CLYBL: variants seen among roughly 807,000 people sequenced by gnomAD.
CLYBL encodes the protein citramalyl-CoA lyase, mitochondrial.
CLYBL carries 31 observed loss-of-function variants against 38.9 expected under a neutral mutation model. The ratio of observed to expected loss-of-function variants is 0.80; its 90% CI spans 0.60 to 1.08. The LOEUF is 1.08. Among genes scored for constraint, CLYBL ranks in the 50% least tolerant of loss-of-function variants. The pLI is 0.00. For synonymous variants in CLYBL, 171 were observed against 158.6 expected (o/e 1.08, Z -0.59); for missense variants, 434 against 411.6 (o/e 1.05, Z -0.47).
At chr13:99,737,672 T>C (rs977562749) in intron 1 of CLYBL, among the ~76,000 whole-genome samples, 3 of 152,124 alleles carry the variant, frequency 2.0e-5, no homozygotes, top group African/African-American at 7.2e-5. Flanking sequence ...TGCTTTCCCC[T>C]CCTGAGCTCA....
chr13:99,885,037 C>T (rs776763842), intron 7 of CLYBL: 5 of 523,760 alleles, frequency 9.5e-6, no homozygotes, highest in East Asian at 5.5e-5. Context: ...ACCAGGTCAG[C>T]GGTCACAGAG....
intron 1 of CLYBL, among the ~76,000 whole-genome samples, chr13:99,617,305 TAAG>T (rs2046726484): frequency 6.6e-6 from 1 of 152,122 alleles, no homozygotes; most frequent in Non-Finnish European, 1.5e-5. Flanking sequence ...TTTTTCCTAA[TAAG>T]GGCCTCTCTA....
At chr13:99,836,508 G>A (rs1294345688) in intron 2 of CLYBL, among the ~76,000 whole-genome samples, 1 of 152,190 alleles carries the variant, frequency 6.6e-6, no homozygotes, top group Non-Finnish European at 1.5e-5. Flanking sequence ...TATGAAGAAT[G>A]GACTTAACCA....
chr13:99,699,261 T>A (rs1054970483), intron 1 of CLYBL, among the ~76,000 whole-genome samples: 2 of 152,082 alleles, frequency 1.3e-5, no homozygotes, highest in Non-Finnish European at 2.9e-5. Flanking sequence ...GGTGGGCACC[T>A]GTAATCCCAG....
intron 1 of CLYBL, among the ~76,000 whole-genome samples, chr13:99,741,150 C>G (rs1038626521): frequency 6.6e-6 from 1 of 152,144 alleles, no homozygotes; most frequent in Non-Finnish European, 1.5e-5. Flanking sequence ...AAAAGAAGTA[C>G]TTACAGATAG....
intron 1 of CLYBL, among the ~76,000 whole-genome samples, chr13:99,660,886 G>T (rs2047399247): frequency 6.6e-6 from 1 of 152,086 alleles, no homozygotes; most frequent in Admixed American, 6.5e-5. Flanking sequence ...GTCACATCTA[G>T]AATGCTTCCG....
chr13:99,732,640 G>A (rs2048610210), intron 1 of CLYBL, among the ~76,000 whole-genome samples: 1 of 152,200 alleles, frequency 6.6e-6, no homozygotes, highest in Middle Eastern at 3.4e-3. Flanking sequence ...TGATCTCAGG[G>A]AACATACCTA....
chr13:99,835,892 A>C (rs1206843273), intron 2 of CLYBL, among the ~76,000 whole-genome samples: 1 of 152,204 alleles, frequency 6.6e-6, no homozygotes, highest in African/African-American at 2.4e-5. Flanking sequence ...GGTAGGTGGT[A>C]GATTGGCAAG....
intron 2 of CLYBL, among the ~76,000 whole-genome samples, chr13:99,777,867 G>A (rs9585218): frequency 7.9e-5 from 12 of 152,094 alleles, no homozygotes; most frequent in African/African-American, 1.9e-4. Context: ...AATCCTTATA[G>A]CAATGTTTTG....
At chr13:99,713,861 T>C (rs1021106709) in intron 1 of CLYBL, among the ~76,000 whole-genome samples, 1 of 151,978 alleles carries the variant, frequency 6.6e-6, no homozygotes, top group Non-Finnish European at 1.5e-5. Context: ...TTTTTAAATA[T>C]ATTTTTTTGT....
At chr13:99,762,452 T>C (rs1306881012) in intron 1 of CLYBL, among the ~76,000 whole-genome samples, 2 of 152,358 alleles carry the variant, frequency 1.3e-5, no homozygotes, top group East Asian at 3.9e-4. Context: ...GTGGAGACTT[T>C]GTCAAAGATG....
At chr13:99,821,294 G>A (rs984529369) in intron 2 of CLYBL, among the ~76,000 whole-genome samples, 2 of 152,148 alleles carry the variant, frequency 1.3e-5, no homozygotes, top group Non-Finnish European at 2.9e-5. Flanking sequence ...TTGGCTTTGA[G>A]CATCATAAGA....
At chr13:99,740,296 T>C (rs932121771) in intron 1 of CLYBL, among the ~76,000 whole-genome samples, 1 of 152,220 alleles carries the variant, frequency 6.6e-6, no homozygotes, top group Non-Finnish European at 1.5e-5. Context: ...CAATGGTAAA[T>C]ACACAATCAG....
chr13:99,886,029 T>C (rs1266271476), intron 7 of CLYBL, among the ~76,000 whole-genome samples: 2 of 152,154 alleles, frequency 1.3e-5, no homozygotes, highest in Non-Finnish European at 2.9e-5. Context: ...CATTCATTCA[T>C]TGAGCAGAAA....
intron 1 of CLYBL, among the ~76,000 whole-genome samples, chr13:99,622,437 A>G (rs2046811876): frequency 6.6e-6 from 1 of 152,188 alleles, no homozygotes; most frequent in Non-Finnish European, 1.5e-5. Context: ...TGTACATTCT[A>G]TCATCTAGAC....
At chr13:99,733,945 G>A (rs1054804534) in intron 1 of CLYBL, among the ~76,000 whole-genome samples, 1 of 152,212 alleles carries the variant, frequency 6.6e-6, no homozygotes, top group Non-Finnish European at 1.5e-5. Flanking sequence ...AAAGAAGAAA[G>A]TTCTAATGGA....
intron 7 of CLYBL, among the ~76,000 whole-genome samples, chr13:99,888,372 T>G (rs1317764695): frequency 6.6e-6 from 1 of 152,260 alleles, no homozygotes; most frequent in Non-Finnish European, 1.5e-5. Flanking sequence ...ATAATGTATG[T>G]AAAGTGCCAG....
chr13:99,799,088 CT>C (rs1339419061), intron 2 of CLYBL, among the ~76,000 whole-genome samples: 1 of 152,116 alleles, frequency 6.6e-6, no homozygotes, highest in Non-Finnish European at 1.5e-5. Flanking sequence ...GCCAAACATG[CT>C]ATTTCTTAGA....
At chr13:99,756,673 G>A (rs936762377) in intron 1 of CLYBL, among the ~76,000 whole-genome samples, 1 of 152,142 alleles carries the variant, frequency 6.6e-6, no homozygotes, top group African/African-American at 2.4e-5. Context: ...AGCCAAGACC[G>A]CTCTTCCAGT....
Sources: gnomAD v4.1 joint callset for allele counts (sites outside exome capture counted in the v4.1 genomes callset) on GRCh38, gnomAD v4.1.1 for gene constraint, MANE v1.5 for transcripts, NCBI Gene and HGNC (gene_info 2026-07-23, HGNC 2026-07-21) for gene names.